Variants in CHTF8 observed in about 807,000 individuals in gnomAD.
The protein encoded by CHTF8 is chromosome transmission fidelity factor 8.
A neutral mutation model predicts 11.0 loss-of-function variants in CHTF8; 6 were observed. The ratio of observed to expected loss-of-function variants is 0.55; its 90% CI spans 0.30 to 1.08. The LOEUF is 1.08. CHTF8 is among the 50% of genes least tolerant of loss of function. The pLI, the probability that CHTF8 is intolerant of heterozygous loss-of-function variation, is 0.07. For missense variants in CHTF8, 140 were observed against 153.1 expected (o/e 0.91, Z 0.45); for synonymous variants, 53 against 60.5 (o/e 0.88, Z 0.57).
At position 69,122,353 on chromosome 16, in the gene CHTF8, C is replaced by T. The variant is rs1055426909; in HGVS notation, c.-35-860G>A. Among the ~76,000 whole-genome samples, 85 of 151,358 alleles carry T rather than the reference C, an allele frequency of 5.6e-4. 1 individual carries two copies. The highest frequency in any genetic ancestry group is 2.0e-3 in the African/African-American group (83 of 41,252). On this transcript the variant is annotated intron_variant, in intron 1 of 3. Coordinates refer to ENST00000448552, the MANE Select transcript of CHTF8 (RefSeq NM_001039690.5). ...TTGCTCACTATGCTGATGTGCCTTTCTTAAGGATATTCTTTTTTTTTTTTT... is the reference window on the plus strand; with the variant it reads ...TTGCTCACTATGCTGATGTGCCTTTTTTAAGGATATTCTTTTTTTTTTTTT...
chr16:69,124,594 C>CG lies in CHTF8; in HGVS notation c.-35-3102dup, dbSNP rs1199212566. 5.9e-5 allele frequency among the ~76,000 whole-genome samples: 9 copies of CG among 151,544 alleles called. No individual in the cohort carries two copies. The Middle Eastern group carries it at 0.01, about 172-fold the overall frequency. On this transcript the variant is annotated intron_variant, in intron 1 of 3. Transcript: ENST00000448552. ...GCCCGCCACCACGCCAGGCTGGTCTCGAACTTCTGACCTGAGGTGATCCAC... is the reference window on the plus strand; with the variant it reads ...GCCCGCCACCACGCCAGGCTGGTCTCGGAACTTCTGACCTGAGGTGATCCAC...
At position 69,119,363 on chromosome 16, in the gene CHTF8, C is replaced by G. The variant is rs1391116893; in HGVS notation, c.*1062G>C. Reference sequence around the variant, plus strand: ...CTGGGAAAGGGATTGGCATTTACCCCCATGGGGCCAACTGGCCTTGAGAAA... The same window carrying G: ...CTGGGAAAGGGATTGGCATTTACCCGCATGGGGCCAACTGGCCTTGAGAAA... On this transcript the variant is annotated 3_prime_UTR_variant, in exon 4 of 4. Transcript: ENST00000448552. 1 of 702,922 alleles carries G rather than the reference C, an allele frequency of 1.4e-6. No individual in the cohort carries two copies. The highest frequency in any genetic ancestry group is 2.6e-6 in the Non-Finnish European group (1 of 385,010). 43.5% of individuals were successfully genotyped at this position (702,922 alleles called of 1,614,324 possible).
intron 1 of CHTF8, among the ~76,000 whole-genome samples, chr16:69,126,412 C>T (rs1962059900): frequency 6.6e-6 from 1 of 152,178 alleles, no homozygotes; most frequent in African/African-American, 2.4e-5. Flanking sequence ...CATACCAATC[C>T]CCCATGCCTC....
rs184266666 is a variant in CHTF8 at position 69,129,572 on chromosome 16, A to G, written c.-36+2912T>C. On this transcript the variant is annotated intron_variant, in intron 1 of 3. Coordinates refer to ENST00000448552, the MANE Select transcript of CHTF8 (RefSeq NM_001039690.5). ...TTTCACCCTGACACCCTATGCTTTT[A>G]GCAAGGTCTTCTCACTCCCATTTCA... Among the ~76,000 whole-genome samples, 174 of 152,230 alleles carry G rather than the reference A, an allele frequency of 1.1e-3. 1 individual carries two copies. Among genetic ancestry groups the G allele is most frequent in the Non-Finnish European group, 2.0e-3 (136 of 68,022 alleles).
rs1321622332 is a variant in CHTF8, at chr16:69,120,173, A to G, written c.*252T>C. ...CTTGGGTCACGAGCACCAGCCGGGAAAGGTGCTGGATTTGAAGCCAATGAG... is the reference window on the plus strand; with the variant it reads ...CTTGGGTCACGAGCACCAGCCGGGAGAGGTGCTGGATTTGAAGCCAATGAG... On this transcript the variant is annotated 3_prime_UTR_variant, in exon 4 of 4. Coordinates refer to ENST00000448552, the MANE Select transcript of CHTF8 (RefSeq NM_001039690.5). This position sits in a 1 kb window ranked among gnomAD's most constrained non-coding sequence, Gnocchi z 4.0. 8 of 701,512 alleles carry G rather than the reference A, an allele frequency of 1.1e-5. No individual in the cohort carries two copies. Among genetic ancestry groups the G allele is most frequent in the Non-Finnish European group, 2.1e-5 (8 of 385,132 alleles). 43.5% of individuals were successfully genotyped at this position (701,512 alleles called of 1,614,324 possible). A position where few individuals can be genotyped will look rare whatever the true frequency, so the allele number is the denominator to read the frequency against.
chr16:69,129,027 G>A (rs1296020501), intron 1 of CHTF8, among the ~76,000 whole-genome samples: 1 of 151,930 alleles, frequency 6.6e-6, no homozygotes, highest in Non-Finnish European at 1.5e-5. Flanking sequence ...CTGTGCCACT[G>A]CACTCTAGCC....
At chr16:69,125,480 T>G (rs889364991) in intron 1 of CHTF8, among the ~76,000 whole-genome samples, 1 of 152,120 alleles carries the variant, frequency 6.6e-6, no homozygotes, top group Non-Finnish European at 1.5e-5. Flanking sequence ...TACACAATTC[T>G]GCCTTCCCAA....
At chr16:69,132,019 A>T (rs1314428241) in intron 1 of CHTF8, 1 of 150,026 alleles carries the variant, frequency 6.7e-6, no homozygotes, top group Non-Finnish European at 1.5e-5. Context: ...TTCCAGTTCT[A>T]CTCCGCTCCC....
Position 69,118,858 on chromosome 16 carries a change from G to A in CHTF8, c.*1567C>T, listed in dbSNP as rs1961378815. On this transcript the variant is annotated 3_prime_UTR_variant, in exon 4 of 4. Coordinates refer to ENST00000448552, the MANE Select transcript of CHTF8 (RefSeq NM_001039690.5). ...GTCCTGGAGGGAAAATGGTGTTTAA[G>A]GGGGCAACATTCCATTTGGGTACAT... is the stretch of plus-strand genomic sequence containing the variant. 3 of 701,610 alleles carry A rather than the reference G, an allele frequency of 4.3e-6. No homozygotes were observed. In the South Asian group the frequency reaches 4.4e-5, roughly 10 times the overall value. The allele number at this position is 701,610 out of a possible 1,614,324, so 43.5% of individuals were successfully genotyped here. A position where few individuals can be genotyped will look rare whatever the true frequency, so the allele number is the denominator to read the frequency against.
chr16:69,118,244 C>T lies in CHTF8; in HGVS notation c.*2181G>A. On this transcript the variant is annotated 3_prime_UTR_variant, in exon 4 of 4. Coordinates refer to ENST00000448552, the MANE Select transcript of CHTF8 (RefSeq NM_001039690.5). ...TGAGTAGAGGGGCCTTAAATCTGGC[C>T]ACCTCTAAGTCCCAGGAGAAGGGAG... 1.4e-6 allele frequency: 1 copy of T among 722,162 alleles called. No homozygotes were observed. The allele number at this position is 722,162 out of a possible 1,614,324, so 44.7% of individuals were successfully genotyped here.
rs1191033760 is a variant in CHTF8, at chr16:69,118,573, T to C, written c.*1852A>G. 1.3e-5 allele frequency: 10 copies of C among 756,652 alleles called. No individual in the cohort carries two copies. Among genetic ancestry groups the C allele is most frequent in the Non-Finnish European group, 2.4e-5 (10 of 420,468 alleles). The allele number at this position is 756,652 out of a possible 1,614,324, so 46.9% of individuals were successfully genotyped here. A position where few individuals can be genotyped will look rare whatever the true frequency, so the allele number is the denominator to read the frequency against. On this transcript the variant is annotated 3_prime_UTR_variant, in exon 4 of 4. Coordinates refer to ENST00000448552, the MANE Select transcript of CHTF8 (RefSeq NM_001039690.5). ...AATTCAAGAAACTAGTAAGAAACAA[T>C]GGGCAGAAAGCTGTGGGACGAAAGC...
intron 1 of CHTF8, among the ~76,000 whole-genome samples, chr16:69,124,926 CAG>C (rs1334365752): frequency 7.3e-5 from 11 of 150,676 alleles, no homozygotes; most frequent in Admixed American, 2.0e-4. Context: ...TTTTTTGAGA[CAG>C]AGTTTCGCTC....
chr16:69,129,987 T>G (rs1259036768), intron 1 of CHTF8, among the ~76,000 whole-genome samples: 2 of 152,264 alleles, frequency 1.3e-5, no homozygotes, highest in African/African-American at 4.8e-5. Context: ...CTTTACCCTC[T>G]GCTCCTGAAT....
rs750969816 is a variant in CHTF8 at position 69,119,137 on chromosome 16, G to A, written c.*1288C>T. 2.8e-6 allele frequency: 2 copies of A among 703,082 alleles called. No homozygotes were observed. The highest frequency in any genetic ancestry group is 5.2e-6 in the Non-Finnish European group (2 of 385,030). 43.6% of individuals were successfully genotyped at this position (703,082 alleles called of 1,614,324 possible). A position where few individuals can be genotyped will look rare whatever the true frequency, so the allele number is the denominator to read the frequency against. On this transcript the variant is annotated 3_prime_UTR_variant, in exon 4 of 4. Transcript: ENST00000448552. ...AACTTGACCAGGGCCTAATGGGCCA[G>A]TAGACCTTGGGAAGGTAGTTGGACT... is the stretch of plus-strand genomic sequence containing the variant.
rs763651430 is a variant in CHTF8 at position 69,119,376 on chromosome 16, T to A, written c.*1049A>T. On this transcript the variant is annotated 3_prime_UTR_variant, in exon 4 of 4. Transcript: ENST00000448552. ...TGGCATTTACCCCCATGGGGCCAAC[T>A]GGCCTTGAGAAATGAGCTGAATTAG... 41 of 702,900 alleles carry A rather than the reference T, an allele frequency of 5.8e-5. No individual in the cohort carries two copies. The allele number at this position is 702,900 out of a possible 1,614,324, so 43.5% of individuals were successfully genotyped here.
chr16:69,120,682 TC>T lies in CHTF8; in HGVS notation c.142-34del, dbSNP rs1452162982. On this transcript the variant is annotated intron_variant, in intron 3 of 3. Transcript: ENST00000448552. The surrounding 1 kb of genome is among the most constrained non-coding windows in gnomAD (Gnocchi z 4.0). ...AGAACAAGAACGAGATTCCTGAGGT[TC>T]CGGGGCAAGGCCATAACACTCAGGC... is the stretch of plus-strand genomic sequence containing the variant. The T allele has an allele frequency of 1.9e-6, 3 of 1,582,476 alleles. No individual in the cohort carries two copies. In the East Asian group the frequency reaches 6.8e-5, roughly 36 times the overall value.
intron 1 of CHTF8, among the ~76,000 whole-genome samples, chr16:69,129,456 AAAAGT>A (rs1321062350): frequency 6.6e-6 from 1 of 151,718 alleles, no homozygotes; most frequent in Non-Finnish European, 1.5e-5. Flanking sequence ...AAAAAGGAAG[AAAAGT>A]AAAGTCCAGG....
chr16:69,124,780 C>T (rs1266939169), intron 1 of CHTF8, among the ~76,000 whole-genome samples: 1 of 152,094 alleles, frequency 6.6e-6, no homozygotes, highest in Non-Finnish European at 1.5e-5. Flanking sequence ...GGATTACAGG[C>T]GTGAGACACT....
At chr16:69,130,299 G>C (rs1410747058) in intron 1 of CHTF8, among the ~76,000 whole-genome samples, 1 of 150,184 alleles carries the variant, frequency 6.7e-6, no homozygotes, top group Non-Finnish European at 1.5e-5. Context: ...GCTAAACAAC[G>C]TTTTAGAAAT....
Sources: allele counts gnomAD v4.1 joint callset (sites outside exome capture counted in the v4.1 genomes callset), GRCh38; gene constraint gnomAD v4.1.1; non-coding constraint Gnocchi (gnomAD v3.1); transcripts MANE v1.5; gene names NCBI Gene and HGNC (gene_info 2026-07-23, HGNC 2026-07-21).